Variants in SCAF4 observed in about 807,000 individuals in gnomAD.
The protein encoded by SCAF4 is SR-related CTD associated factor 4.
A neutral mutation model predicts 129.8 loss-of-function variants in SCAF4; 25 were observed. The ratio of observed to expected loss-of-function variants is 0.19; its 90% CI spans 0.14 to 0.27. SCAF4 has a LOEUF of 0.27. Ranked by LOEUF, SCAF4 falls within the 10% of genes least tolerant of loss-of-function variation. The probability of loss-of-function intolerance (pLI) is 1.00; values close to 1 mark genes in which losing one functional copy is unlikely to be tolerated. For missense variants in SCAF4, 1,246 were observed against 1,457.1 expected, an observed-to-expected ratio of 0.86 and a Z score of 2.36; for synonymous variants, 551 against 497.7, an observed-to-expected ratio of 1.11 and a Z score of -1.43.
chr21:31,674,138 G>C (rs192105095), intron 19 of SCAF4, among the ~76,000 whole-genome samples: 128 of 152,298 alleles, frequency 8.4e-4, no homozygotes, highest in African/African-American at 3.0e-3. Context: ...AGTGGCCAAA[G>C]GATGCAAAGC....
At chr21:31,702,005 A>T in intron 5 of SCAF4, 87 bp from the exon 6 acceptor site, 1 of 1,491,340 alleles carries the variant, frequency 6.7e-7, no homozygotes. Context: ...ATAACATTTT[A>T]TCCAATTTAA....
At chr21:31,716,137 T>G (rs1001313458) in intron 1 of SCAF4, among the ~76,000 whole-genome samples, 2 of 152,124 alleles carry the variant, frequency 1.3e-5, no homozygotes, top group Non-Finnish European at 2.9e-5. Flanking sequence ...AAAACTTAAA[T>G]CTCTCAAGCA....
chr21:31,710,678 G>C (rs1367850172), intron 1 of SCAF4, among the ~76,000 whole-genome samples: 1 of 152,202 alleles, frequency 6.6e-6, no homozygotes, highest in South Asian at 2.1e-4. Flanking sequence ...CCAGAAATTA[G>C]AGACATCTGG....
chr21:31,691,021 C>T, intron 14 of SCAF4, 68 bp from the exon 15 acceptor site: 3 of 1,341,086 alleles, frequency 2.2e-6, no homozygotes, highest in South Asian at 1.4e-5. Context: ...GGGTATTATT[C>T]TCTATCATTC....
intron 19 of SCAF4, among the ~76,000 whole-genome samples, chr21:31,680,594 C>T (rs2049973232): frequency 6.6e-6 from 1 of 152,088 alleles, no homozygotes; most frequent in Admixed American, 6.5e-5. Flanking sequence ...TTAATGTAAC[C>T]AAACATCAAA....
chr21:31,707,950 C>T (rs1220371787), intron 1 of SCAF4, among the ~76,000 whole-genome samples: 1 of 152,122 alleles, frequency 6.6e-6, no homozygotes, highest in Non-Finnish European at 1.5e-5. Flanking sequence ...AGAGAAAACA[C>T]TAAGATATTA....
chr21:31,722,090 T>C (rs1231293456), intron 1 of SCAF4, among the ~76,000 whole-genome samples: 4 of 152,306 alleles, frequency 2.6e-5, no homozygotes, highest in Non-Finnish European at 5.9e-5. Context: ...CAATACTCTT[T>C]AAGTTTTAAG....
At chr21:31,684,999 T>A (rs535985420) in intron 19 of SCAF4, 50 bp downstream of exon 19, 5 of 562,536 alleles carry the variant, frequency 8.9e-6, no homozygotes, top group African/African-American at 5.4e-5. Flanking sequence ...GGTGGGGGGG[T>A]GGGGGGGGGG....
chr21:31,676,864 C>T (rs943127491), intron 19 of SCAF4, among the ~76,000 whole-genome samples: 1 of 151,450 alleles, frequency 6.6e-6, no homozygotes, highest in Non-Finnish European at 1.5e-5. Context: ...GCTTTCCCCT[C>T]ATCTGTCCCA....
At chr21:31,694,063 C>T in intron 11 of SCAF4, 141 bp downstream of exon 11, 1 of 508,260 alleles carries the variant, frequency 2.0e-6, no homozygotes, top group South Asian at 3.7e-5. Context: ...CACCTGCCCC[C>T]TTCTACACAC....
In SCAF4 at chr21:31,697,468, GTTTC is replaced by G. The variant is rs200253790; in HGVS notation, c.778-722_778-719del. 6.0e-3 allele frequency among the ~76,000 whole-genome samples: 908 copies of G among 152,294 alleles called. 6 individuals are homozygous for G. The highest frequency in any genetic ancestry group is 0.02 in the African/African-American group (824 of 41,552). On this transcript the variant is annotated intron_variant, in intron 7 of 19. Transcript: ENST00000286835. ...TCACAAGAACACTGCAATGTAGATAGTTTCTTCTTTTTTACAGACAAGGAAACAA... is the reference window on the plus strand; with the variant it reads ...TCACAAGAACACTGCAATGTAGATAGTTCTTTTTTACAGACAAGGAAACAA...
At position 31,722,062 on chromosome 21, in the gene SCAF4, G is replaced by A. The variant is rs966737744; in HGVS notation, c.30+9601C>T. Among the ~76,000 whole-genome samples the A allele has an allele frequency of 7.2e-5, 11 of 152,072 alleles. No individual in the cohort carries two copies. The East Asian group carries it at 1.4e-3, about 19-fold the overall frequency. ...AAAAAACCCAGGGATAAAATATATCGCCCCCAAAATATTTTGGCAATACTC... is the reference window on the plus strand; with the variant it reads ...AAAAAACCCAGGGATAAAATATATCACCCCCAAAATATTTTGGCAATACTC... On this transcript the variant is annotated intron_variant, in intron 1 of 19. Transcript: ENST00000286835.
chr21:31,688,114 C>CA (rs61592268), intron 16 of SCAF4, among the ~76,000 whole-genome samples, 193 bp downstream of exon 16: 1,363 of 10,880 alleles, frequency 0.13, 524 homozygotes, highest in East Asian at 0.22. Context: ...GACTCTGTCT[C>CA]AAAAAAAAAA....
chr21:31,717,148 C>T (rs1262003057), intron 1 of SCAF4, among the ~76,000 whole-genome samples: 1 of 152,082 alleles, frequency 6.6e-6, no homozygotes. Flanking sequence ...ATCTAATGGA[C>T]GAGTTTTAAT....
At chr21:31,723,627 TGTGCGC>T (rs1283191182) in intron 1 of SCAF4, among the ~76,000 whole-genome samples, 9 of 142,574 alleles carry the variant, frequency 6.3e-5, no homozygotes, top group African/African-American at 1.7e-4. Flanking sequence ...TGTGTGTGTG[TGTGCGC>T]GCGCGCGCGC....
chr21:31,674,657 G>T (rs2049804123), intron 19 of SCAF4, among the ~76,000 whole-genome samples: 1 of 152,176 alleles, frequency 6.6e-6, no homozygotes, highest in Non-Finnish European at 1.5e-5. Flanking sequence ...GTCCTTATTA[G>T]GAAAGCTGGC....
At chr21:31,689,766 T>TA (rs200734641) in intron 15 of SCAF4, among the ~76,000 whole-genome samples, 8 of 150,120 alleles carry the variant, frequency 5.3e-5, no homozygotes, top group African/African-American at 7.3e-5. Flanking sequence ...CCTTCTCTAC[T>TA]AAAAAAAATA....
At chr21:31,692,269 T>C (rs1213160259) in intron 13 of SCAF4, 80 bp downstream of exon 13, 24 of 1,070,302 alleles carry the variant, frequency 2.2e-5, no homozygotes, top group African/African-American at 4.7e-5. Flanking sequence ...AATTGTAACT[T>C]TGGTCTCAGG....
At chr21:31,691,316 TAAC>T (rs1416136695) in intron 14 of SCAF4, among the ~76,000 whole-genome samples, 1 of 152,206 alleles carries the variant, frequency 6.6e-6, no homozygotes, top group Admixed American at 6.5e-5. Flanking sequence ...TGTAATTACT[TAAC>T]ATCAGACAAA....
Sources: allele counts gnomAD v4.1 joint callset (sites outside exome capture counted in the v4.1 genomes callset), GRCh38; gene constraint gnomAD v4.1.1; transcripts MANE v1.5; gene names NCBI Gene and HGNC (gene_info 2026-07-23, HGNC 2026-07-21).